The following CAD variants were observed in gnomAD, a reference collection of about 807,000 sequenced individuals.
The protein encoded by CAD is multifunctional protein CAD.
A neutral mutation model predicts 237.2 loss-of-function variants in CAD; 81 were observed. That is an observed-to-expected ratio of 0.34 (90% confidence interval 0.29 to 0.41). CAD has a LOEUF of 0.41. Ranked by LOEUF, CAD falls within the 10% of genes least tolerant of loss-of-function variation. CAD has a pLI of 1.00. For synonymous variants in CAD, 1,196 were observed against 1,162.8 expected (o/e 1.03, Z -0.58); for missense variants, 2,181 against 2,951.7 (o/e 0.74, Z 6.05).
chr2:27,217,841 G>T (rs752468773), intron 1 of CAD, 36 bp from the exon 2 acceptor site: 10 of 1,560,450 alleles, frequency 6.4e-6, no homozygotes, highest in African/African-American at 4.1e-5. Context: ...TCCGAAGGGT[G>T]CCCTACCGGA....
In CAD at chr2:27,242,284, T is replaced by A; in HGVS notation, c.6097-18T>A. 1 of 1,602,476 alleles carries A rather than the reference T, an allele frequency of 6.2e-7. No individual in the cohort carries two copies. The highest frequency in any genetic ancestry group is 8.5e-7 in the Non-Finnish European group (1 of 1,171,960). Reference sequence around the variant, plus strand: ...GGCCTCTGAGCTGCAAAAGACAGGATTTTCCCCTTTTTTCCAGCTGGCCGC... The same window carrying A: ...GGCCTCTGAGCTGCAAAAGACAGGAATTTCCCCTTTTTTCCAGCTGGCCGC... On this transcript the variant is annotated intron_variant, in intron 39 of 43. Coordinates refer to ENST00000264705, the MANE Select transcript of CAD (RefSeq NM_004341.5). The surrounding 1 kb of genome is among the most constrained non-coding windows in gnomAD (Gnocchi z 6.4).
chr2:27,240,707 C>A lies in CAD; in HGVS notation c.5594-204C>A. On this transcript the variant is annotated intron_variant, in intron 35 of 43. Coordinates refer to ENST00000264705, the MANE Select transcript of CAD (RefSeq NM_004341.5). The surrounding 1 kb of genome is among the most constrained non-coding windows in gnomAD (Gnocchi z 4.6). The stretch of plus-strand genomic sequence containing the variant: ...CTGGGAGAGCCCCGGGAGGGCACCA[C>A]TGCTCCCATACAACACAGCCCCATG... The A allele has an allele frequency of 7.3e-7, 1 of 1,373,348 alleles. No individual in the cohort carries two copies. 85.1% of individuals were successfully genotyped at this position (1,373,348 alleles called of 1,614,324 possible).
rs925503127 is a variant in CAD at position 27,237,321 on chromosome 2, G to A, written c.4397-58G>A. On this transcript the variant is annotated intron_variant, in intron 27 of 43. Transcript: ENST00000264705. The surrounding 1 kb of genome is among the most constrained non-coding windows in gnomAD (Gnocchi z 4.0). ...TTACAGGCGTGAGCCACCATGTCCAGCTCACCCTTCCTATTTCTGAATCTT... is the reference window on the plus strand; with the variant it reads ...TTACAGGCGTGAGCCACCATGTCCAACTCACCCTTCCTATTTCTGAATCTT... 1 of 1,576,424 alleles carries A rather than the reference G, an allele frequency of 6.3e-7. No homozygotes were observed. The highest frequency in any genetic ancestry group is 8.7e-7 in the Non-Finnish European group (1 of 1,150,330).
intron 2 of CAD, among the ~76,000 whole-genome samples, chr2:27,220,910 AT>A (rs1675129471): frequency 6.6e-6 from 1 of 152,120 alleles, no homozygotes; most frequent in African/African-American, 2.4e-5. Flanking sequence ...GTGAGCTTAG[AT>A]GTCGCCACTG....
Position 27,217,626 on chromosome 2 carries a change from G to C in CAD, c.75G>C (p.Gly25=), listed in dbSNP as rs747456303. ...QPFGAAVSTA[G]EVVFQTGMVG... Reference sequence around the variant, plus strand: ...TTGGGGCCGCCGTGTCGACTGCCGGGGAAGTGGGTAAGCAAGCCCGGTTAG... The same window carrying C: ...TTGGGGCCGCCGTGTCGACTGCCGGCGAAGTGGGTAAGCAAGCCCGGTTAG... Residue 25 remains glycine (G), a synonymous_variant, in exon 1 of 44, where the codon GGG becomes GGC. Coordinates refer to ENST00000264705, the MANE Select transcript of CAD (RefSeq NM_004341.5). 8.7e-6 allele frequency: 14 copies of C among 1,606,546 alleles called. No individual in the cohort carries two copies. In the East Asian group the frequency reaches 2.5e-4, roughly 28 times the overall value.
rs2148085818 is a variant in CAD at position 27,237,030 on chromosome 2, T to C, written c.4396+200T>C. Among the ~76,000 whole-genome samples, 1 of 150,952 alleles carries C rather than the reference T, an allele frequency of 6.6e-6. No homozygotes were observed. Among genetic ancestry groups the C allele is most frequent in the African/African-American group, 2.4e-5 (1 of 40,852 alleles). On this transcript the variant is annotated intron_variant, in intron 27 of 43. Coordinates refer to ENST00000264705, the MANE Select transcript of CAD (RefSeq NM_004341.5). The surrounding 1 kb of genome is among the most constrained non-coding windows in gnomAD (Gnocchi z 4.0). ...CTTGTCTGAGGAATTTTTTTTTTTT[T>C]TTTTTTTTTGAGACAGAGTCTTACT... is the stretch of plus-strand genomic sequence containing the variant.
At chr2:27,243,363 C>T (rs1676422877) in intron 43 of CAD, 53 bp from the exon 44 acceptor site, 3 of 1,598,524 alleles carry the variant, frequency 1.9e-6, no homozygotes, top group Non-Finnish European at 1.7e-6. Flanking sequence ...CTGGACAAGC[C>T]ATCCATGGGC....
At position 27,237,443 on chromosome 2, in the gene CAD, A is replaced by G. The variant is rs748029324; in HGVS notation, c.4461A>G (p.Ser1487=). 9.9e-6 allele frequency: 16 copies of G among 1,614,196 alleles called. No homozygotes were observed. Among genetic ancestry groups the G allele is most frequent in the Non-Finnish European group, 1.4e-5 (16 of 1,180,024 alleles). ...PGGTHKEDFA[S]GTAAALAGGI... ...GGACACATAAGGAGGACTTTGCTTC[A>G]GGCACAGCCGCTGCCCTGGCTGGGG... The change falls in exon 28 of 44, where the codon TCA becomes TCG. Residue 1487 remains serine, a synonymous_variant. Coordinates refer to ENST00000264705, the MANE Select transcript of CAD (RefSeq NM_004341.5). This position sits in a 1 kb window ranked among gnomAD's most constrained non-coding sequence, Gnocchi z 4.0.
chr2:27,240,843 T>C lies in CAD; in HGVS notation c.5594-68T>C. 17 of 1,544,248 alleles carry C rather than the reference T, an allele frequency of 1.1e-5. No homozygotes were observed. In the South Asian group the frequency reaches 1.7e-4, roughly 15 times the overall value. ...CATATACACTGTGATTCAGAGTTCCTGGGAATATGGGGTTTCTTTCCAAAC... is the reference window on the plus strand; with the variant it reads ...CATATACACTGTGATTCAGAGTTCCCGGGAATATGGGGTTTCTTTCCAAAC... On this transcript the variant is annotated intron_variant, in intron 35 of 43. Coordinates refer to ENST00000264705, the MANE Select transcript of CAD (RefSeq NM_004341.5). This position sits in a 1 kb window ranked among gnomAD's most constrained non-coding sequence, Gnocchi z 4.6.
intron 43 of CAD, 22 bp downstream of exon 43, chr2:27,243,314 A>G: frequency 6.2e-7 from 1 of 1,612,570 alleles, no homozygotes; most frequent in Non-Finnish European, 8.5e-7. Context: ...TCAGAGTCAG[A>G]GACTGCCTCG....
chr2:27,233,010 A>T lies in CAD; in HGVS notation c.2893-32A>T. 1 of 1,399,982 alleles carries T rather than the reference A, an allele frequency of 7.1e-7. No individual in the cohort carries two copies. Among genetic ancestry groups the T allele is most frequent in the Non-Finnish European group, 1.0e-6 (1 of 984,868 alleles). The allele number at this position is 1,399,982 out of a possible 1,614,324, so 86.7% of individuals were successfully genotyped here. ...TTCTCCACGATTTTCCTCCCACCTG[A>T]CTGCTAAGTACCCTTCCCCTCCCTC... On this transcript the variant is annotated intron_variant, in intron 18 of 43. Transcript: ENST00000264705. The surrounding 1 kb of genome is among the most constrained non-coding windows in gnomAD (Gnocchi z 6.3).
chr2:27,222,179 G>C lies in CAD; in HGVS notation c.353-15G>C, dbSNP rs2148058873. On this transcript the variant is annotated splice_polypyrimidine_tract_variant and intron_variant, in intron 3 of 43. Transcript: ENST00000264705. ...TTGTAGGAATGTGATCCCTAAGACT[G>C]TGCTATTTTGACAGGAGTAGACACT... 1.2e-6 allele frequency: 2 copies of C among 1,612,096 alleles called. No individual in the cohort carries two copies. Among genetic ancestry groups the C allele is most frequent in the Non-Finnish European group, 1.7e-6 (2 of 1,178,484 alleles).
Position 27,232,319 on chromosome 2 carries a change from G to T in CAD, c.2645+95G>T. 1 of 1,578,372 alleles carries T rather than the reference G, an allele frequency of 6.3e-7. No homozygotes were observed. Among genetic ancestry groups the T allele is most frequent in the Non-Finnish European group, 8.6e-7 (1 of 1,162,272 alleles). On this transcript the variant is annotated intron_variant, in intron 17 of 43. Coordinates refer to ENST00000264705, the MANE Select transcript of CAD (RefSeq NM_004341.5). The surrounding 1 kb of genome is among the most constrained non-coding windows in gnomAD (Gnocchi z 4.1). ...TTGGGAGGGAGGAAGGAGAGTGTGG[G>T]AGAGCTTTAGAGGCTTCTGACCTTG...
In CAD at chr2:27,240,057, A is replaced by G. The variant is rs545425514; in HGVS notation, c.5497-208A>G. The stretch of plus-strand genomic sequence containing the variant: ...GGAGTTTAAGACCAGCCTAGCCAAC[A>G]TGGTGAAACCCCATCTCTACTAAAA... On this transcript the variant is annotated intron_variant, in intron 34 of 43. Coordinates refer to ENST00000264705, the MANE Select transcript of CAD (RefSeq NM_004341.5). This position sits in a 1 kb window ranked among gnomAD's most constrained non-coding sequence, Gnocchi z 4.6. 1.9e-4 allele frequency: 114 copies of G among 601,876 alleles called. No individual in the cohort carries two copies. Among genetic ancestry groups the G allele is most frequent in the Non-Finnish European group, 3.1e-4 (107 of 342,966 alleles). The allele number at this position is 601,876 out of a possible 1,614,324, so 37.3% of individuals were successfully genotyped here. A position where few individuals can be genotyped will look rare whatever the true frequency, so the allele number is the denominator to read the frequency against.
Position 27,237,799 on chromosome 2 carries a change from G to A in CAD, c.4645G>A (p.Ala1549Thr). The change falls in exon 29 of 44, where the codon GCC (alanine) becomes ACC (threonine). Residue 1549 changes from alanine to threonine, a missense_variant. This residue lies in a region of CAD where 478 missense variants were observed against 515.0 expected (regional missense o/e 0.93). Coordinates refer to ENST00000264705, the MANE Select transcript of CAD (RefSeq NM_004341.5). This position sits in a 1 kb window ranked among gnomAD's most constrained non-coding sequence, Gnocchi z 4.0. ...AAATGCAGGAACCTTGGGCACCGTG[G>A]CCGGGTCTGCAGCCGGGCTGAAGCT... ...SENAGTLGTVAGSAAGLKLYL... is the reference protein window; with the variant it reads ...SENAGTLGTVTGSAAGLKLYL... 1 of 1,614,248 alleles carries A rather than the reference G, an allele frequency of 6.2e-7. No homozygotes were observed. The highest frequency in any genetic ancestry group is 8.5e-7 in the Non-Finnish European group (1 of 1,180,044).
Position 27,226,601 on chromosome 2 carries a change from C to T in CAD, c.2108C>T (p.Ala703Val). 6.2e-7 allele frequency: 1 copy of T among 1,614,176 alleles called. No homozygotes were observed. Among genetic ancestry groups the T allele is most frequent in the Non-Finnish European group, 8.5e-7 (1 of 1,180,022 alleles). ...AGTAAGGCCACAGGTTATCCACTGG[C>T]TTATGTGGCAGCCAAGCTAGCATTG... is the stretch of plus-strand genomic sequence containing the variant. ...LASKATGYPL[A>V]YVAAKLALGI... Residue 703 changes from alanine to valine, a missense_variant, in exon 14 of 44, where the codon GCT becomes GTT. Transcript: ENST00000264705.
At position 27,236,858 on chromosome 2, in the gene CAD, T is replaced by C. The variant is rs768461424; in HGVS notation, c.4396+28T>C. 1.9e-6 allele frequency: 3 copies of C among 1,592,760 alleles called. No individual in the cohort carries two copies. In the South Asian group the frequency reaches 3.3e-5, roughly 18 times the overall value. ...AAGTCTTTGGGGAGAACTTGGCTTCTGAACACTGGCAGCCCCTGGCATAGA... is the reference window on the plus strand; with the variant it reads ...AAGTCTTTGGGGAGAACTTGGCTTCCGAACACTGGCAGCCCCTGGCATAGA... On this transcript the variant is annotated intron_variant, in intron 27 of 43. Transcript: ENST00000264705. The surrounding 1 kb of genome is among the most constrained non-coding windows in gnomAD (Gnocchi z 4.1).
intron 2 of CAD, 56 bp downstream of exon 2, chr2:27,218,072 A>C: frequency 2.7e-6 from 4 of 1,489,294 alleles, no homozygotes; most frequent in Non-Finnish European, 3.6e-6. Flanking sequence ...ATTGTTAACT[A>C]TTAGTGAAGT....
At chr2:27,228,539 T>C (rs1675553396) in intron 15 of CAD, among the ~76,000 whole-genome samples, 1 of 152,216 alleles carries the variant, frequency 6.6e-6, no homozygotes, top group African/African-American at 2.4e-5. Flanking sequence ...CAGTGAGCTG[T>C]GATTGTACCA....
Sources: allele counts gnomAD v4.1 joint callset (sites outside exome capture counted in the v4.1 genomes callset), GRCh38; gene constraint gnomAD v4.1.1; regional missense constraint gnomAD v4.1.1; non-coding constraint Gnocchi (gnomAD v3.1); transcripts MANE v1.5; gene names NCBI Gene and HGNC (gene_info 2026-07-23, HGNC 2026-07-21).